Variants in FAM110B observed in about 807,000 individuals in gnomAD.
FAM110B encodes the protein family with sequence similarity 110 member B.
Under a neutral mutation model 20.4 loss-of-function variants are expected in FAM110B, and 6 were observed. That is an observed-to-expected ratio of 0.29 (90% CI 0.16 to 0.58). The LOEUF (loss-of-function observed/expected upper bound fraction) is 0.58. Ranked by LOEUF, FAM110B falls within the 20% of genes least tolerant of loss-of-function variation. FAM110B has a pLI of 0.90. For synonymous variants in FAM110B, 226 were observed against 214.1 expected (o/e 1.06, Z -0.49); for missense variants, 434 against 498.2 (o/e 0.87, Z 1.23).
Position 58,146,070 on chromosome 8 carries a change from A to T in FAM110B, c.-161A>T. The T allele has an allele frequency of 2.6e-6, 2 of 764,940 alleles. No individual in the cohort carries two copies. The highest frequency in any genetic ancestry group is 4.1e-6 in the Non-Finnish European group (2 of 489,892). 47.4% of individuals were successfully genotyped at this position (764,940 alleles called of 1,614,324 possible). ...GTGTATGAAAGCCACCGTGGCGGTT[A>T]ATGAGCTGTGAGATGAGGCGCTGCT... is the stretch of plus-strand genomic sequence containing the variant. On this transcript the variant is annotated 5_prime_UTR_variant, in exon 4 of 4. Transcript: ENST00000519262.
At chr8:58,016,759 G>T (rs1804646098) in intron 1 of FAM110B, among the ~76,000 whole-genome samples, 1 of 152,168 alleles carries the variant, frequency 6.6e-6, no homozygotes, top group East Asian at 1.9e-4. Context: ...GCTAAGCCCA[G>T]GGCCCAAGAG....
intron 3 of FAM110B, among the ~76,000 whole-genome samples, chr8:58,090,349 CAG>C (rs1245291016): frequency 2.6e-5 from 4 of 152,264 alleles, no homozygotes; most frequent in Non-Finnish European, 4.4e-5. Context: ...CTAGTAGTGA[CAG>C]AGTTTCACCG....
chr8:58,102,962 C>G (rs1343111504), intron 3 of FAM110B, among the ~76,000 whole-genome samples: 2 of 127,398 alleles, frequency 1.6e-5, no homozygotes, highest in Non-Finnish European at 3.2e-5. Context: ...AAAAGTCAGT[C>G]TTTTACCTGA....
chr8:58,090,503 T>C (rs534584891), intron 3 of FAM110B, among the ~76,000 whole-genome samples: 29 of 152,358 alleles, frequency 1.9e-4, no homozygotes, highest in Middle Eastern at 3.4e-3. Flanking sequence ...ACTTACTTTA[T>C]TGTAAGAGTA....
chr8:58,050,843 G>C (rs1463801703), intron 2 of FAM110B, among the ~76,000 whole-genome samples: 6 of 152,198 alleles, frequency 3.9e-5, no homozygotes. Flanking sequence ...GCATACACCA[G>C]GGGGTGGGAA....
At chr8:58,075,265 TTTTTTTTTTTTG>T (rs1806004858) in intron 2 of FAM110B, among the ~76,000 whole-genome samples, 1 of 125,844 alleles carries the variant, frequency 7.9e-6, no homozygotes, top group African/African-American at 4.1e-5. Flanking sequence ...ATTTTTGCTT[TTTTTTTTTTTTG>T]TGTGTGTGTG....
At chr8:58,026,859 T>C (rs1804865094) in intron 1 of FAM110B, among the ~76,000 whole-genome samples, 1 of 152,158 alleles carries the variant, frequency 6.6e-6, no homozygotes, top group South Asian at 2.1e-4. Context: ...GTATAGAAAA[T>C]TGCAAATAAA....
chr8:58,098,393 C>T (rs1472803123), intron 3 of FAM110B, among the ~76,000 whole-genome samples: 1 of 152,190 alleles, frequency 6.6e-6, no homozygotes, highest in Non-Finnish European at 1.5e-5. Context: ...TGCCCCTCTC[C>T]CAACCAAGCT....
chr8:58,085,031 A>G (rs373230816), intron 3 of FAM110B, among the ~76,000 whole-genome samples: 1 of 152,168 alleles, frequency 6.6e-6, no homozygotes, highest in African/African-American at 2.4e-5. Flanking sequence ...CAGAGTAGGG[A>G]TTGACGCATC....
intron 3 of FAM110B, among the ~76,000 whole-genome samples, chr8:58,136,984 C>A (rs1372451613): frequency 1.3e-5 from 2 of 152,092 alleles, no homozygotes; most frequent in Non-Finnish European, 1.5e-5. Flanking sequence ...GTAATAATGG[C>A]TTTATTGTTT....
chr8:58,024,727 A>G (rs533651224), intron 1 of FAM110B, among the ~76,000 whole-genome samples: 14 of 152,310 alleles, frequency 9.2e-5, no homozygotes, highest in South Asian at 6.2e-4. Flanking sequence ...TGATTCTCAC[A>G]GTGACCCTTG....
At chr8:58,144,111 C>G (rs888634867) in intron 3 of FAM110B, among the ~76,000 whole-genome samples, 6 of 152,188 alleles carry the variant, frequency 3.9e-5, no homozygotes, top group African/African-American at 1.4e-4. Context: ...AGGTGGTATT[C>G]CCACTCTAGT....
chr8:58,018,444 TATA>T (rs1804680181), intron 1 of FAM110B, among the ~76,000 whole-genome samples: 2 of 152,136 alleles, frequency 1.3e-5, no homozygotes, highest in Non-Finnish European at 2.9e-5. Flanking sequence ...GTTTGCATGG[TATA>T]TATATGTATA....
intron 2 of FAM110B, among the ~76,000 whole-genome samples, chr8:58,071,991 G>C (rs1299932822): frequency 6.6e-6 from 1 of 152,070 alleles, no homozygotes; most frequent in East Asian, 1.9e-4. Flanking sequence ...CAGAAGTCCA[G>C]GCTCCTCTCT....
chr8:58,088,662 G>A (rs936363961), intron 3 of FAM110B, among the ~76,000 whole-genome samples: 8 of 152,148 alleles, frequency 5.3e-5, no homozygotes, highest in Non-Finnish European at 1.0e-4. Flanking sequence ...AAATGGAGCC[G>A]CACTTGAGAG....
chr8:58,025,035 G>A (rs1268256471), intron 1 of FAM110B, among the ~76,000 whole-genome samples: 2 of 152,142 alleles, frequency 1.3e-5, no homozygotes, highest in African/African-American at 2.4e-5. Flanking sequence ...AAACAACATG[G>A]CTAATTTACT....
chr8:58,105,101 C>T (rs1806875884), intron 3 of FAM110B, among the ~76,000 whole-genome samples: 1 of 151,326 alleles, frequency 6.6e-6, no homozygotes, highest in South Asian at 2.1e-4. Flanking sequence ...TGCCTTGGGT[C>T]AGCATTGTCC....
chr8:58,141,292 G>T (rs1269492951), intron 3 of FAM110B, among the ~76,000 whole-genome samples: 2 of 152,240 alleles, frequency 1.3e-5, no homozygotes, highest in African/African-American at 4.8e-5. Context: ...TAGGAAGCTA[G>T]AAGAATCAGT....
chr8:58,107,709 G>T (rs1507081), intron 3 of FAM110B, among the ~76,000 whole-genome samples: 17,493 of 152,166 alleles, frequency 0.11, 2,353 homozygotes, highest in African/African-American at 0.33. Flanking sequence ...CCTGTGCTAT[G>T]GTCTGTGTAA....
Sources: allele counts gnomAD v4.1 joint callset (sites outside exome capture counted in the v4.1 genomes callset), GRCh38; gene constraint gnomAD v4.1.1; transcripts MANE v1.5; gene names NCBI Gene and HGNC (gene_info 2026-07-23, HGNC 2026-07-21).